The following PPP1R9A variants were observed in gnomAD, a reference collection of about 807,000 sequenced individuals.
PPP1R9A encodes the protein neurabin-1.
A neutral mutation model predicts 141.9 loss-of-function variants in PPP1R9A; 59 were observed. The ratio of observed to expected loss-of-function variants is 0.42; its 90% CI spans 0.34 to 0.52. The LOEUF (loss-of-function observed/expected upper bound fraction) is 0.52. PPP1R9A is among the 20% of genes least tolerant of loss of function. The probability of loss-of-function intolerance (pLI) is 0.10; values close to 1 mark genes in which losing one functional copy is unlikely to be tolerated. For missense variants in PPP1R9A, 1,444 were observed against 1,611.9 expected (o/e 0.90, Z 1.78); for synonymous variants, 500 against 569.7 (o/e 0.88, Z 1.74).
rs113394774 is a variant in PPP1R9A at position 94,965,887 on chromosome 7, T to C, written c.1395+54379T>C. 9.5e-3 allele frequency among the ~76,000 whole-genome samples: 1,453 copies of C among 152,274 alleles called. 9 individuals are homozygous for C. Among genetic ancestry groups the C allele is most frequent in the Non-Finnish European group, 0.014 (931 of 68,024 alleles). Reference sequence around the variant, plus strand: ...CAATGGTAGCTTGATGGGGATGGCATTGAATCTATAAATTACTTTGGGCAG... The same window carrying C: ...CAATGGTAGCTTGATGGGGATGGCACTGAATCTATAAATTACTTTGGGCAG... On this transcript the variant is annotated intron_variant, in intron 2 of 19. Transcript: ENST00000433360.
chr7:95,177,886 A>G (rs1048197891), intron 5 of PPP1R9A, among the ~76,000 whole-genome samples: 3 of 152,220 alleles, frequency 2.0e-5, no homozygotes, highest in Admixed American at 2.0e-4. Context: ...TTTATAAAAC[A>G]ATTACTGCTA....
At chr7:95,099,349 A>G (rs1366722121) in intron 2 of PPP1R9A, among the ~76,000 whole-genome samples, 3 of 152,160 alleles carry the variant, frequency 2.0e-5, no homozygotes, top group Non-Finnish European at 4.4e-5. Context: ...AAGGCCACCA[A>G]TTTATTTCAT....
chr7:95,286,063 C>G, intron 17 of PPP1R9A, 143 bp from the exon 18 acceptor site: 2 of 1,346,164 alleles, frequency 1.5e-6, no homozygotes, highest in South Asian at 1.5e-5. Context: ...TTCTCAACCG[C>G]TGCCCCATTG....
At chr7:95,005,041 C>T (rs573369716) in intron 2 of PPP1R9A, among the ~76,000 whole-genome samples, 19 of 152,260 alleles carry the variant, frequency 1.2e-4, no homozygotes, top group Middle Eastern at 3.4e-3. Flanking sequence ...TATATACTTT[C>T]GTTTGTAAGC....
rs186205171 is a variant in PPP1R9A at position 95,182,670 on chromosome 7, C to A, written c.1755-15679C>A. On this transcript the variant is annotated intron_variant, in intron 5 of 19. Coordinates refer to ENST00000433360, the MANE Select transcript of PPP1R9A (RefSeq NM_001166160.2). ...AATCTTCATATTCATGGAAATCATC[C>A]ACCATTGTGGATTTTGTACTTATTC... 5.6e-4 allele frequency among the ~76,000 whole-genome samples: 85 copies of A among 152,240 alleles called. No individual in the cohort carries two copies. In the East Asian group the frequency reaches 0.01, roughly 18 times the overall value.
chr7:95,198,139 T>G (rs1836563184), intron 5 of PPP1R9A, among the ~76,000 whole-genome samples: 1 of 152,176 alleles, frequency 6.6e-6, no homozygotes, highest in Admixed American at 6.5e-5. Flanking sequence ...TTTTTCCCCC[T>G]TCTTTTCCTT....
chr7:95,229,888 A>G (rs1391125894), intron 8 of PPP1R9A, among the ~76,000 whole-genome samples: 2 of 152,040 alleles, frequency 1.3e-5, no homozygotes, highest in East Asian at 1.9e-4. Flanking sequence ...TAAAAATACA[A>G]CCAAGGACCC....
At chr7:94,984,290 C>T (rs550623337) in intron 2 of PPP1R9A, among the ~76,000 whole-genome samples, 7 of 152,044 alleles carry the variant, frequency 4.6e-5, no homozygotes, top group Non-Finnish European at 7.4e-5. Flanking sequence ...GTCTAAAATT[C>T]TCTTTTTTTG....
chr7:95,088,864 A>G (rs1473374156), intron 2 of PPP1R9A, among the ~76,000 whole-genome samples: 1 of 152,062 alleles, frequency 6.6e-6, no homozygotes, highest in Admixed American at 6.5e-5. Flanking sequence ...ACTGGAAAAC[A>G]TTAATGCAGT....
At chr7:95,063,737 A>G (rs1812576873) in intron 2 of PPP1R9A, among the ~76,000 whole-genome samples, 2 of 152,210 alleles carry the variant, frequency 1.3e-5, no homozygotes, top group African/African-American at 4.8e-5. Context: ...AAAGGGCCAA[A>G]TGAATGTGGA....
chr7:95,265,456 T>G (rs545408969), intron 12 of PPP1R9A, among the ~76,000 whole-genome samples: 8 of 152,182 alleles, frequency 5.3e-5, no homozygotes, highest in Non-Finnish European at 1.0e-4. Flanking sequence ...AATATTAGGA[T>G]TTTTGTATTA....
chr7:95,198,339 C>CT lies in PPP1R9A; in HGVS notation c.1755-7dup, dbSNP rs553760698. On this transcript the variant is annotated splice_polypyrimidine_tract_variant and intron_variant, in intron 5 of 19. Transcript: ENST00000433360. ...GTCTTAAATATTAGTCTTTGTTAAC[C>CT]TTTCCACAGATTTGTTATTGGGCGG... 136 of 1,593,320 alleles carry CT rather than the reference C, an allele frequency of 8.5e-5. No individual in the cohort carries two copies. The highest frequency in any genetic ancestry group is 1.1e-4 in the Non-Finnish European group (133 of 1,172,838).
chr7:95,064,824 G>A (rs12532531), intron 2 of PPP1R9A, among the ~76,000 whole-genome samples: 12,027 of 152,190 alleles, frequency 0.079, 617 homozygotes, highest in East Asian at 0.18. Flanking sequence ...GAATTAATGA[G>A]AACTTTTGAT....
At chr7:95,249,866 A>G (rs767994222) in intron 9 of PPP1R9A, among the ~76,000 whole-genome samples, 160 bp from the exon 10 acceptor site, 2 of 152,164 alleles carry the variant, frequency 1.3e-5, no homozygotes, top group Non-Finnish European at 2.9e-5. Flanking sequence ...CCATTTTATC[A>G]TCTGTGGAAT....
At chr7:95,146,716 G>A (rs1425886248) in intron 4 of PPP1R9A, among the ~76,000 whole-genome samples, 1 of 152,130 alleles carries the variant, frequency 6.6e-6, no homozygotes, top group Non-Finnish European at 1.5e-5. Context: ...TCTGCATATA[G>A]CTAGCTAGTT....
chr7:94,990,373 A>G (rs536694894), intron 2 of PPP1R9A, among the ~76,000 whole-genome samples: 75 of 152,242 alleles, frequency 4.9e-4, no homozygotes, highest in Non-Finnish European at 9.4e-4. Flanking sequence ...TGCACAGTGG[A>G]AAACATTAAA....
At chr7:95,184,445 T>C (rs1834327084) in intron 5 of PPP1R9A, among the ~76,000 whole-genome samples, 1 of 152,106 alleles carries the variant, frequency 6.6e-6, no homozygotes, top group South Asian at 2.1e-4. Flanking sequence ...AGCTTTTTCA[T>C]TTAAAAAAAT....
intron 8 of PPP1R9A, among the ~76,000 whole-genome samples, chr7:95,237,341 A>G (rs901507760): frequency 9.2e-5 from 14 of 151,522 alleles, no homozygotes; most frequent in Admixed American, 4.6e-4. Context: ...GATTACAAGT[A>G]TGCGCCACCA....
intron 5 of PPP1R9A, among the ~76,000 whole-genome samples, chr7:95,196,197 A>G (rs1465068912): frequency 2.0e-5 from 3 of 152,174 alleles, no homozygotes; most frequent in Non-Finnish European, 4.4e-5. Context: ...ACTGCAGAAG[A>G]TATGTGAATG....
Sources: allele counts gnomAD v4.1 joint callset (sites outside exome capture counted in the v4.1 genomes callset), GRCh38; gene constraint gnomAD v4.1.1; transcripts MANE v1.5; gene names NCBI Gene and HGNC (gene_info 2026-07-23, HGNC 2026-07-21).